The following ITSN1 variants were observed in gnomAD, a reference collection of about 807,000 sequenced individuals.
ITSN1 encodes intersectin-1.
ITSN1 carries 58 observed loss-of-function variants against 239.8 expected under a neutral mutation model. That is an observed-to-expected ratio of 0.24 (90% CI 0.20 to 0.30). The LOEUF (loss-of-function observed/expected upper bound fraction) is 0.30, where lower values mean the gene tolerates loss of function less well. Among genes scored for constraint, ITSN1 ranks in the 10% least tolerant of loss-of-function variants. The probability of loss-of-function intolerance (pLI) is 1.00; values close to 1 mark genes in which losing one functional copy is unlikely to be tolerated. For synonymous variants in ITSN1, 780 were observed against 770.8 expected, an observed-to-expected ratio of 1.01 and a Z score of -0.20; for missense variants, 1,558 against 2,103.3, an observed-to-expected ratio of 0.74 and a Z score of 5.07.
chr21:33,696,388 C>G (rs1203652804), intron 1 of ITSN1, among the ~76,000 whole-genome samples: 1 of 152,170 alleles, frequency 6.6e-6, no homozygotes, highest in Admixed American at 6.5e-5. Context: ...GGCAAAAGGA[C>G]TCAGTTGTAT....
At chr21:33,682,641 G>T (rs1601613588) in intron 1 of ITSN1, among the ~76,000 whole-genome samples, 1 of 152,006 alleles carries the variant, frequency 6.6e-6, no homozygotes, top group Admixed American at 6.6e-5. Context: ...TGATGCTTGT[G>T]TGTCAGCCTC....
chr21:33,784,191 A>G (rs2070435373), intron 16 of ITSN1, among the ~76,000 whole-genome samples: 1 of 152,144 alleles, frequency 6.6e-6, no homozygotes, highest in Non-Finnish European at 1.5e-5. Flanking sequence ...ATCACAGGTC[A>G]GGTCGGGTGT....
chr21:33,844,496 C>G (rs1206515289), intron 29 of ITSN1, among the ~76,000 whole-genome samples: 1 of 152,172 alleles, frequency 6.6e-6, no homozygotes, highest in Non-Finnish European at 1.5e-5. Context: ...AACGTTCAGC[C>G]CCCTAGACAT....
At chr21:33,758,500 C>T (rs1281576580) in intron 8 of ITSN1, among the ~76,000 whole-genome samples, 1 of 152,148 alleles carries the variant, frequency 6.6e-6, no homozygotes, top group East Asian at 1.9e-4. Flanking sequence ...TCCTTCATGG[C>T]TTGATGTGTA....
rs1398429712 is a variant in ITSN1 at position 33,643,941 on chromosome 21, A to G, written c.-33+1228A>G. Reference sequence around the variant, plus strand: ...CCGTGGAACGGATGAAAAGAAAGGCACAGAGATCTCATGGATTATGTAGTG... The same window carrying G: ...CCGTGGAACGGATGAAAAGAAAGGCGCAGAGATCTCATGGATTATGTAGTG... On this transcript the variant is annotated intron_variant, in intron 1 of 39. Coordinates refer to ENST00000381318, the MANE Select transcript of ITSN1 (RefSeq NM_003024.3). The G allele has an allele frequency of 3.3e-5, 5 of 152,434 alleles. No individual in the cohort carries two copies. In the South Asian group the frequency reaches 6.2e-4, roughly 19 times the overall value. The allele number at this position is 152,434 out of a possible 1,614,324, so 9.4% of individuals were successfully genotyped here.
chr21:33,705,680 C>T (rs2092225715), intron 1 of ITSN1, among the ~76,000 whole-genome samples: 1 of 152,172 alleles, frequency 6.6e-6, no homozygotes, highest in African/African-American at 2.4e-5. Flanking sequence ...GCGTGAGCCA[C>T]TGCACCTGGC....
At chr21:33,685,391 T>A (rs1164690497) in intron 1 of ITSN1, among the ~76,000 whole-genome samples, 3 of 152,152 alleles carry the variant, frequency 2.0e-5, no homozygotes, top group African/African-American at 7.2e-5. Flanking sequence ...GCTTTGGTGG[T>A]GCCTTATCTA....
rs1297739490 is a variant in ITSN1 at position 33,829,651 on chromosome 21, C to T, written c.3257C>T (p.Thr1086Ile). Residue 1086 changes from threonine (T) to isoleucine (I), a missense_variant, in exon 27 of 40, where the codon ACC becomes ATC. Physicochemically the swap from Thr to Ile is moderately conservative, Grantham distance 89. Transcript: ENST00000381318. ...PEIAQVIASY[T>I]ATGPEQLTLA... ...ATTGCCCAGGTTATTGCCTCATACA[C>T]CGCCACCGGCCCCGAGCAGCTCACT... 3 of 1,612,318 alleles carry T rather than the reference C, an allele frequency of 1.9e-6. No individual in the cohort carries two copies. Among genetic ancestry groups the T allele is most frequent in the Non-Finnish European group, 2.5e-6 (3 of 1,179,996 alleles).
intron 29 of ITSN1, among the ~76,000 whole-genome samples, chr21:33,840,670 G>C (rs1395621905): frequency 6.6e-6 from 1 of 151,932 alleles, no homozygotes; most frequent in Non-Finnish European, 1.5e-5. Context: ...CTTACTTTTT[G>C]TATTTTTAGT....
intron 5 of ITSN1, among the ~76,000 whole-genome samples, chr21:33,740,915 GTAGA>G (rs557074549): frequency 1.5e-4 from 23 of 152,184 alleles, no homozygotes; most frequent in African/African-American, 2.6e-4. Flanking sequence ...TTTAATGTAA[GTAGA>G]TAGATAGATA....
rs548668690 is a variant in ITSN1, at chr21:33,720,554, C to T, written c.29-624C>T. Among the ~76,000 whole-genome samples, 13 of 152,164 alleles carry T rather than the reference C, an allele frequency of 8.5e-5. No homozygotes were observed. In the East Asian group the frequency reaches 2.3e-3, roughly 27 times the overall value. On this transcript the variant is annotated intron_variant, in intron 2 of 39. Transcript: ENST00000381318. Reference sequence around the variant, plus strand: ...TGGCTATTATTTCATATCAGGACATCCCCTGCCCTTCTTTTTTTTTAAGTC... The same window carrying T: ...TGGCTATTATTTCATATCAGGACATTCCCTGCCCTTCTTTTTTTTTAAGTC...
At chr21:33,748,874 A>G (rs2067359430) in intron 5 of ITSN1, among the ~76,000 whole-genome samples, 2 of 152,162 alleles carry the variant, frequency 1.3e-5, no homozygotes, top group African/African-American at 4.8e-5. Context: ...CAAACAAACA[A>G]AAATATTTAA....
chr21:33,778,643 A>G (rs71326967), intron 14 of ITSN1, among the ~76,000 whole-genome samples: 42,487 of 123,614 alleles, frequency 0.34, 7,536 homozygotes, highest in East Asian at 0.59. Context: ...CAGTGGCGCA[A>G]TCTCGGCTCA....
chr21:33,777,183 A>T (rs988943602), intron 14 of ITSN1, among the ~76,000 whole-genome samples: 1 of 152,198 alleles, frequency 6.6e-6, no homozygotes, highest in Non-Finnish European at 1.5e-5. Flanking sequence ...TTATATTTTT[A>T]CATACTGATA....
intron 1 of ITSN1, among the ~76,000 whole-genome samples, chr21:33,669,898 T>G (rs1247256291): frequency 6.6e-6 from 1 of 152,170 alleles, no homozygotes; most frequent in East Asian, 1.9e-4. Flanking sequence ...CCTGAATTCC[T>G]TCCTCCCCCT....
intron 26 of ITSN1, among the ~76,000 whole-genome samples, chr21:33,828,395 G>T (rs2074091857): frequency 6.6e-6 from 1 of 152,206 alleles, no homozygotes; most frequent in South Asian, 2.1e-4. Flanking sequence ...GGCCTTTCTT[G>T]CTTGCCCCAA....
intron 11 of ITSN1, among the ~76,000 whole-genome samples, chr21:33,771,186 G>A (rs944660746): frequency 9.2e-5 from 14 of 152,190 alleles, no homozygotes; most frequent in Admixed American, 5.9e-4. Flanking sequence ...ACTACAGTAC[G>A]TGAAGGAAGT....
chr21:33,774,062 G>A (rs1024551216), intron 12 of ITSN1, among the ~76,000 whole-genome samples: 2 of 152,106 alleles, frequency 1.3e-5, no homozygotes, highest in East Asian at 1.9e-4. Flanking sequence ...TTTCTTCAAC[G>A]TACCAAAAAA....
intron 1 of ITSN1, among the ~76,000 whole-genome samples, chr21:33,709,025 A>G (rs950589486): frequency 6.6e-6 from 1 of 152,108 alleles, no homozygotes; most frequent in African/African-American, 2.4e-5. Flanking sequence ...CTTTACACCA[A>G]TCCCAAAAGG....
Sources: gnomAD v4.1 joint callset for allele counts (sites outside exome capture counted in the v4.1 genomes callset) on GRCh38, gnomAD v4.1.1 for gene constraint, MANE v1.5 for transcripts, NCBI Gene and HGNC (gene_info 2026-07-23, HGNC 2026-07-21) for gene names.